ESRRG: variants seen among roughly 807,000 people sequenced by gnomAD.
The protein encoded by ESRRG is estrogen-related receptor gamma.
Under a neutral mutation model 44.0 loss-of-function variants are expected in ESRRG, and 13 were observed. The ratio of observed to expected loss-of-function variants is 0.30; its 90% confidence interval spans 0.19 to 0.47. The LOEUF (loss-of-function observed/expected upper bound fraction) is 0.47. Ranked by LOEUF, ESRRG falls within the 20% of genes least tolerant of loss-of-function variation. The pLI is 1.00. For synonymous variants in ESRRG, 215 were observed against 214.6 expected, an observed-to-expected ratio of 1.00 and a Z score of -0.02; for missense variants, 395 against 580.6, an observed-to-expected ratio of 0.68 and a Z score of 3.29.
chr1:217,121,115 A>C (rs1403541239), intron 1 of ESRRG, among the ~76,000 whole-genome samples: 1 of 103,174 alleles, frequency 9.7e-6, no homozygotes, highest in Non-Finnish European at 2.2e-5. Flanking sequence ...CGGGTCTTGA[A>C]GAATACACAC....
At chr1:216,615,344 T>G (rs973495305) in intron 3 of ESRRG, among the ~76,000 whole-genome samples, 4 of 152,240 alleles carry the variant, frequency 2.6e-5, no homozygotes, top group Non-Finnish European at 4.4e-5. Flanking sequence ...CGGGTTATAC[T>G]TTCAAGTTCT....
At position 216,563,343 on chromosome 1, in the gene ESRRG, T is replaced by A. The variant is rs75474741; in HGVS notation, c.862+876A>T. ...TCGCCTGACAGTTCGTTACGACTGTTAGCAACATAGCTGGCGTATCATGAC... is the reference window on the plus strand; with the variant it reads ...TCGCCTGACAGTTCGTTACGACTGTAAGCAACATAGCTGGCGTATCATGAC... On this transcript the variant is annotated intron_variant, in intron 5 of 6. Transcript: ENST00000408911. Among the ~76,000 whole-genome samples, 596 of 152,292 alleles carry A rather than the reference T, an allele frequency of 3.9e-3. 5 individuals carry two copies. Among genetic ancestry groups the A allele is most frequent in the African/African-American group, 0.012 (496 of 41,566 alleles).
At chr1:216,570,009 C>A (rs1307155630) in intron 3 of ESRRG, among the ~76,000 whole-genome samples, 1 of 152,124 alleles carries the variant, frequency 6.6e-6, no homozygotes, top group Non-Finnish European at 1.5e-5. Context: ...TTGGGAAAAG[C>A]AGATCTATTT....
intron 2 of ESRRG, among the ~76,000 whole-genome samples, chr1:216,747,792 A>T (rs146802164): frequency 1.8e-4 from 28 of 152,290 alleles, no homozygotes; most frequent in African/African-American, 6.7e-4. Flanking sequence ...TTAAAATATT[A>T]TTAATCTATG....
At chr1:216,763,048 A>G (rs191975954) in intron 2 of ESRRG, among the ~76,000 whole-genome samples, 232 of 152,224 alleles carry the variant, frequency 1.5e-3, no homozygotes, top group African/African-American at 5.3e-3. Flanking sequence ...TTTATAGGCT[A>G]AAAAATCAAC....
chr1:216,711,272 A>G (rs1187235893), intron 1 of ESRRG, among the ~76,000 whole-genome samples: 3 of 152,040 alleles, frequency 2.0e-5, no homozygotes, highest in Non-Finnish European at 4.4e-5. Context: ...CTCCTGGGGC[A>G]CCTTTCCTGA....
chr1:217,134,787 G>T (rs924309019), intron 1 of ESRRG, among the ~76,000 whole-genome samples: 5 of 152,216 alleles, frequency 3.3e-5, no homozygotes, highest in Non-Finnish European at 7.3e-5. Context: ...TCCCCTTGAC[G>T]TTTGATTTCT....
At chr1:216,885,458 G>T (rs2149352048) in intron 2 of ESRRG, among the ~76,000 whole-genome samples, 1 of 152,214 alleles carries the variant, frequency 6.6e-6, no homozygotes, top group East Asian at 1.9e-4. Context: ...GGAACCACTA[G>T]TCTGAGCAGT....
chr1:216,881,674 A>T (rs1459550564), intron 2 of ESRRG, among the ~76,000 whole-genome samples: 1 of 152,196 alleles, frequency 6.6e-6, no homozygotes, highest in Admixed American at 6.5e-5. Flanking sequence ...ATTTTACCAT[A>T]TTGGTCAAGG....
chr1:216,541,154 G>C (rs980676039), intron 5 of ESRRG, among the ~76,000 whole-genome samples: 14 of 151,940 alleles, frequency 9.2e-5, no homozygotes, highest in Non-Finnish European at 1.9e-4. Context: ...TACAGCAAAG[G>C]AGGTAATTAT....
intron 2 of ESRRG, among the ~76,000 whole-genome samples, chr1:216,901,958 T>C (rs1458585905): frequency 1.3e-5 from 2 of 152,132 alleles, no homozygotes; most frequent in Non-Finnish European, 2.9e-5. Context: ...AGATGGAATC[T>C]CACTAAGTTG....
At chr1:216,621,050 CAATG>C (rs1052091662) in intron 3 of ESRRG, among the ~76,000 whole-genome samples, 3 of 152,126 alleles carry the variant, frequency 2.0e-5, no homozygotes, top group African/African-American at 7.2e-5. Flanking sequence ...TTACAACATC[CAATG>C]AATATGGATA....
chr1:216,538,258 TTGTG>T (rs5780889), intron 5 of ESRRG, among the ~76,000 whole-genome samples: 38 of 151,276 alleles, frequency 2.5e-4, no homozygotes, highest in African/African-American at 9.0e-4. Flanking sequence ...ATTAAAAATT[TTGTG>T]TGTGTGTGTG....
At chr1:216,546,456 C>T (rs918402990) in intron 5 of ESRRG, among the ~76,000 whole-genome samples, 3 of 152,002 alleles carry the variant, frequency 2.0e-5, no homozygotes, top group East Asian at 1.9e-4. Flanking sequence ...AATACTAGGC[C>T]GGCTTCATGG....
intron 1 of ESRRG, among the ~76,000 whole-genome samples, chr1:216,943,998 A>T (rs2065684611): frequency 6.6e-6 from 1 of 152,172 alleles, no homozygotes; most frequent in Admixed American, 6.6e-5. Context: ...TCATGATATA[A>T]TCTATGTGAT....
chr1:216,864,840 T>A (rs1577382247), intron 2 of ESRRG: 1 of 152,218 alleles, frequency 6.6e-6, no homozygotes, highest in South Asian at 2.1e-4. Context: ...GAGTTTGGGA[T>A]GCAGGATCAC....
intron 1 of ESRRG, among the ~76,000 whole-genome samples, chr1:216,705,852 G>A (rs535470976): frequency 6.6e-6 from 1 of 152,310 alleles, no homozygotes; most frequent in South Asian, 2.1e-4. Flanking sequence ...ACTCATGAAT[G>A]CAGCAGGTGG....
chr1:216,551,869 C>T (rs1156637221), intron 5 of ESRRG, among the ~76,000 whole-genome samples: 1 of 152,140 alleles, frequency 6.6e-6, no homozygotes, highest in Non-Finnish European at 1.5e-5. Context: ...TTTAGCTCTG[C>T]ATCAAGATCC....
intron 1 of ESRRG, among the ~76,000 whole-genome samples, chr1:216,999,973 A>G (rs978329304): frequency 6.6e-6 from 1 of 152,190 alleles, no homozygotes; most frequent in Non-Finnish European, 1.5e-5. Context: ...TCTGTAGCAG[A>G]TACACCAGTA....
Sources: allele counts gnomAD v4.1 joint callset (sites outside exome capture counted in the v4.1 genomes callset), GRCh38; gene constraint gnomAD v4.1.1; transcripts MANE v1.5; gene names NCBI Gene and HGNC (gene_info 2026-07-23, HGNC 2026-07-21).